The following LDLRAD4 variants were observed in gnomAD, a reference collection of about 807,000 sequenced individuals.
LDLRAD4 encodes low density lipoprotein receptor class A domain containing 4.
A neutral mutation model predicts 17.0 loss-of-function variants in LDLRAD4; 5 were observed. The observed-to-expected ratio is 0.29, with a 90% confidence interval of 0.15 to 0.62. The LOEUF is 0.62. Ranked by LOEUF, LDLRAD4 falls within the 20% of genes least tolerant of loss-of-function variation. The probability of loss-of-function intolerance (pLI) is 0.84; values close to 1 mark genes in which losing one functional copy is unlikely to be tolerated. For missense variants in LDLRAD4, 340 were observed against 424.7 expected (o/e 0.80, Z 1.75); for synonymous variants, 168 against 171.8 (o/e 0.98, Z 0.17).
intron 3 of LDLRAD4, chr18:13,490,270 T>C (rs1416147192): frequency 6.6e-6 from 1 of 152,208 alleles, no homozygotes; most frequent in African/African-American, 2.4e-5. Context: ...TTTTAAATGC[T>C]CAAAAGTCAG....
intron 3 of LDLRAD4, among the ~76,000 whole-genome samples, chr18:13,502,083 G>A (rs913398164): frequency 2.0e-5 from 3 of 152,238 alleles, no homozygotes; most frequent in African/African-American, 4.8e-5. Context: ...GCTTTGAACC[G>A]TCACCAGAGT....
chr18:13,598,001 TG>T (rs948051830), intron 3 of LDLRAD4, among the ~76,000 whole-genome samples: 8 of 152,350 alleles, frequency 5.3e-5, no homozygotes, highest in African/African-American at 1.4e-4. Context: ...GTGAAGTTTT[TG>T]TTAAGCTGGA....
At chr18:13,438,685 T>C (rs1483052430) in intron 3 of LDLRAD4, among the ~76,000 whole-genome samples, 1 of 152,256 alleles carries the variant, frequency 6.6e-6, no homozygotes. Context: ...ATACCAACAT[T>C]ACTACTTCAG....
At chr18:13,641,758 G>A in intron 4 of LDLRAD4, 2 of 985,442 alleles carry the variant, frequency 2.0e-6, no homozygotes, top group Non-Finnish European at 2.4e-6. Context: ...TCAGCCGAGG[G>A]CCGGGCCTCG....
intron 3 of LDLRAD4, among the ~76,000 whole-genome samples, chr18:13,586,345 T>G (rs2094932686): frequency 7.3e-6 from 1 of 137,406 alleles, no homozygotes; most frequent in African/African-American, 2.8e-5. Flanking sequence ...AGGCGGAGGT[T>G]GCAGTGAGTT....
intron 1 of LDLRAD4, among the ~76,000 whole-genome samples, chr18:13,381,269 T>C (rs982634993): frequency 6.6e-6 from 1 of 151,978 alleles, no homozygotes; most frequent in African/African-American, 2.4e-5. Flanking sequence ...GGACTTTCTA[T>C]GTTGGCTAGG....
chr18:13,249,055 C>T (rs1360239065), intron 1 of LDLRAD4, among the ~76,000 whole-genome samples: 1 of 151,220 alleles, frequency 6.6e-6, no homozygotes, highest in Non-Finnish European at 1.5e-5. Flanking sequence ...CCTCTAGTTC[C>T]CTCTATGTTG....
chr18:13,263,255 GAAACC>G (rs2044016064), intron 1 of LDLRAD4, among the ~76,000 whole-genome samples: 1 of 150,046 alleles, frequency 6.7e-6, no homozygotes, highest in African/African-American at 2.5e-5. Flanking sequence ...GCTCTGCGTG[GAAACC>G]GAATCCCATG....
intron 3 of LDLRAD4, among the ~76,000 whole-genome samples, chr18:13,449,600 C>T (rs184066308): frequency 1.1e-3 from 168 of 152,344 alleles, no homozygotes; most frequent in African/African-American, 3.2e-3. Context: ...GCACCTGTTC[C>T]GGAGAGGGCC....
chr18:13,245,461 C>T (rs1461300899), intron 1 of LDLRAD4, among the ~76,000 whole-genome samples: 3 of 152,210 alleles, frequency 2.0e-5, no homozygotes, highest in Non-Finnish European at 4.4e-5. Flanking sequence ...TGATATGGGG[C>T]ATTGGCATTA....
chr18:13,493,659 A>G (rs776672572), intron 3 of LDLRAD4, among the ~76,000 whole-genome samples: 1 of 152,240 alleles, frequency 6.6e-6, no homozygotes, highest in East Asian at 1.9e-4. Flanking sequence ...GACTGGTCAC[A>G]TAAGAGCTTT....
intron 1 of LDLRAD4, among the ~76,000 whole-genome samples, chr18:13,351,039 A>G (rs1406945719): frequency 2.0e-5 from 3 of 152,122 alleles, no homozygotes; most frequent in Non-Finnish European, 4.4e-5. Flanking sequence ...GTAGCCTTGT[A>G]GTATAGTTTG....
Position 13,438,731 on chromosome 18 carries a change from A to C in LDLRAD4, c.181+347A>C, listed in dbSNP as rs140279425. ...AAATAAGCAAAGAAAGATATGTGGA[A>C]GGTACATAATTAATCATGCAACTGA... On this transcript the variant is annotated intron_variant, in intron 3 of 5. Coordinates refer to ENST00000359446, the Ensembl canonical transcript of LDLRAD4. Among the ~76,000 whole-genome samples, 478 of 152,376 alleles carry C rather than the reference A, an allele frequency of 3.1e-3. 3 individuals carry two copies. Among genetic ancestry groups the C allele is most frequent in the African/African-American group, 0.011 (450 of 41,596 alleles).
intron 3 of LDLRAD4, among the ~76,000 whole-genome samples, chr18:13,548,110 C>T (rs1448757454): frequency 3.3e-5 from 5 of 152,154 alleles, no homozygotes; most frequent in Non-Finnish European, 7.4e-5. Context: ...AGAGAGGAGA[C>T]CCAGAGTGGG....
intron 3 of LDLRAD4, among the ~76,000 whole-genome samples, chr18:13,579,809 A>G (rs993821967): frequency 6.6e-6 from 1 of 152,198 alleles, no homozygotes; most frequent in Non-Finnish European, 1.5e-5. Context: ...TGGAAAAACT[A>G]GTGCCCAGTT....
chr18:13,309,539 G>C (rs1279954023), intron 1 of LDLRAD4, among the ~76,000 whole-genome samples: 1 of 152,188 alleles, frequency 6.6e-6, no homozygotes. Flanking sequence ...CCCTTCTCCT[G>C]TGGGCACTCT....
rs1490023405 is a variant in LDLRAD4 at position 13,583,278 on chromosome 18, CTG to C, written c.182-37836_182-37835del. On this transcript the variant is annotated intron_variant, in intron 3 of 5. Transcript: ENST00000359446. ...TATTCTCTCATTTTTTTCTAAAACACTGTGAAATTGTTAGGGCAATATTTGTA... is the reference window on the plus strand; with the variant it reads ...TATTCTCTCATTTTTTTCTAAAACACTGAAATTGTTAGGGCAATATTTGTA... 4.0e-5 allele frequency among the ~76,000 whole-genome samples: 6 copies of C among 151,840 alleles called. No individual in the cohort carries two copies. In the East Asian group the frequency reaches 1.2e-3, roughly 29 times the overall value.
At chr18:13,583,505 A>G (rs2094893979) in intron 3 of LDLRAD4, among the ~76,000 whole-genome samples, 4 of 152,326 alleles carry the variant, frequency 2.6e-5, no homozygotes, top group Admixed American at 2.6e-4. Context: ...ACTTTAAATG[A>G]GTTGTAAAAA....
chr18:13,286,001 T>C (rs922168673), intron 1 of LDLRAD4, among the ~76,000 whole-genome samples: 1 of 152,208 alleles, frequency 6.6e-6, no homozygotes, highest in African/African-American at 2.4e-5. Context: ...ATTAAGTACA[T>C]TCACGTTGTG....
Sources: allele counts gnomAD v4.1 joint callset (sites outside exome capture counted in the v4.1 genomes callset), GRCh38; gene constraint gnomAD v4.1.1; transcripts MANE v1.5; gene names NCBI Gene and HGNC (gene_info 2026-07-23, HGNC 2026-07-21).